Variants in MACF1 observed in about 807,000 individuals in gnomAD.
The protein encoded by MACF1 is microtubule actin crosslinking factor 1.
MACF1 carries 193 observed loss-of-function variants against 854.8 expected under a neutral mutation model. The ratio of observed to expected loss-of-function variants is 0.23; its 90% CI spans 0.20 to 0.25. The LOEUF (loss-of-function observed/expected upper bound fraction) is 0.25. Among genes scored for constraint, MACF1 ranks in the 10% least tolerant of loss-of-function variants. MACF1 has a pLI of 1.00. For missense variants in MACF1, 7,722 were observed against 8,929.1 expected, an observed-to-expected ratio of 0.86 and a Z score of 5.45; for synonymous variants, 3,185 against 3,226.7, an observed-to-expected ratio of 0.99 and a Z score of 0.44.
rs552368455 is a variant in MACF1 at position 39,422,604 on chromosome 1, G to T, written c.15978+69G>T. On this transcript the variant is annotated intron_variant, in intron 59 of 100. Coordinates refer to ENST00000564288, the MANE Select transcript of MACF1 (RefSeq NM_001394062.1). The stretch of plus-strand genomic sequence containing the variant: ...TAGAAAAGAGACATCTGAATCTAAG[G>T]TTTCCCGAAACCTGAATGGAAATAA... The T allele has an allele frequency of 7.1e-6, 11 of 1,548,644 alleles. No individual in the cohort carries two copies. The African/African-American group carries it at 8.3e-5, about 12-fold the overall frequency.
chr1:39,340,738 A>G (rs369397485), intron 39 of MACF1, 21 bp downstream of exon 39: 3 of 1,613,172 alleles, frequency 1.9e-6, no homozygotes, highest in African/African-American at 2.7e-5. Context: ...GCTTTTATTC[A>G]TAAAGGCTCA....
At chr1:39,117,647 C>T (rs900361828) in intron 2 of MACF1, among the ~76,000 whole-genome samples, 6 of 151,998 alleles carry the variant, frequency 3.9e-5, no homozygotes, top group Non-Finnish European at 8.8e-5. Context: ...TGTATACAGA[C>T]TTCCTCTACT....
At chr1:39,211,524 C>T (rs1333009716) in intron 1 of MACF1, among the ~76,000 whole-genome samples, 1 of 152,122 alleles carries the variant, frequency 6.6e-6, no homozygotes, top group Non-Finnish European at 1.5e-5. Context: ...ACGTCGGCCT[C>T]CCAAAGTGCT....
intron 2 of MACF1, among the ~76,000 whole-genome samples, chr1:39,235,022 C>G (rs1644842875): frequency 6.7e-6 from 1 of 150,332 alleles, no homozygotes; most frequent in South Asian, 2.1e-4. Flanking sequence ...ACTTTCCAGA[C>G]TGGGCAGCCA....
At chr1:39,444,600 C>A in intron 79 of MACF1, 62 bp from the exon 80 acceptor site, 1 of 1,440,542 alleles carries the variant, frequency 6.9e-7, no homozygotes, top group Non-Finnish European at 9.5e-7. Flanking sequence ...GCTACAGAAT[C>A]TATATGTAGG....
At position 39,324,691 on chromosome 1, in the gene MACF1, G is replaced by A. The variant is rs1451792445; in HGVS notation, c.4435G>A (p.Ala1479Thr). The part of the protein sequence containing the change: ...LTTKKEQVSE[A>T]IKTSQIFLAK... ...AACAAAGAAAGAACAAGTCTCTGAA[G>A]CTATTAAAACATCACAGATCTTCTT... Residue 1479 changes from alanine (A) to threonine (T), a missense_variant, in exon 35 of 101, where the codon GCT becomes ACT. Ala to Thr is a moderately conservative substitution (Grantham distance 58). Coordinates refer to ENST00000564288, the MANE Select transcript of MACF1 (RefSeq NM_001394062.1). The A allele has an allele frequency of 1.9e-6, 3 of 1,613,734 alleles. No individual in the cohort carries two copies. Among genetic ancestry groups the A allele is most frequent in the South Asian group, 1.1e-5 (1 of 91,046 alleles).
At chr1:39,458,265 T>C (rs1570153834) in intron 89 of MACF1, 105 bp from the exon 90 acceptor site, 3 of 1,125,392 alleles carry the variant, frequency 2.7e-6, no homozygotes, top group African/African-American at 1.6e-5. Flanking sequence ...ACACAGCCTT[T>C]CCTGCCACCA....
Position 39,372,575 on chromosome 1 carries a change from C to A in MACF1, c.13192C>A (p.Pro4398Thr). The A allele has an allele frequency of 6.2e-7, 1 of 1,612,576 alleles. No homozygotes were observed. The highest frequency in any genetic ancestry group is 8.5e-7 in the Non-Finnish European group (1 of 1,178,704). Reference protein sequence around the residue: ...LENLIMEITAPDSQGKTGSIL... With the variant: ...LENLIMEITATDSQGKTGSIL... ...AAATCTCATCATGGAAATCACAGCA[C>A]CTGATTCCCAAGGCAAGACAGGTGA... Residue 4398 changes from proline to threonine, a missense_variant, in exon 52 of 101, where the codon CCT becomes ACT. Physicochemically the swap from Pro to Thr is conservative, Grantham distance 38 (BLOSUM62 -1). Around this residue, in one of 15 missense-constraint regions of MACF1, gnomAD observed 2,807 missense variants for 3,235.8 expected, o/e 0.87. Coordinates refer to ENST00000564288, the MANE Select transcript of MACF1 (RefSeq NM_001394062.1).
chr1:39,209,303 C>T (rs1160539222), intron 1 of MACF1, among the ~76,000 whole-genome samples: 1 of 151,862 alleles, frequency 6.6e-6, no homozygotes, highest in African/African-American at 2.4e-5. Flanking sequence ...GAACCATGCC[C>T]TGTTCATTTG....
chr1:39,177,848 C>A (rs1306230079), intron 2 of MACF1, among the ~76,000 whole-genome samples: 3 of 152,090 alleles, frequency 2.0e-5, no homozygotes, highest in Admixed American at 2.0e-4. Flanking sequence ...TTTTAAGAAT[C>A]ATTTGGGTGA....
chr1:39,458,515 G>A, intron 90 of MACF1, 25 bp downstream of exon 90: 1 of 1,596,926 alleles, frequency 6.3e-7, no homozygotes, highest in Non-Finnish European at 8.5e-7. Flanking sequence ...CCCTGTGTTA[G>A]GATGCTTCAT....
In MACF1 at chr1:39,439,494, T is replaced by C; in HGVS notation, c.18441T>C (p.Ala6147=). The C allele has an allele frequency of 1.2e-6, 2 of 1,613,460 alleles. No individual in the cohort carries two copies. The highest frequency in any genetic ancestry group is 1.7e-6 in the Non-Finnish European group (2 of 1,179,412). The change falls in exon 72 of 101, where the codon GCT becomes GCC. Residue 6147 remains alanine (A), a synonymous_variant. Coordinates refer to ENST00000564288, the MANE Select transcript of MACF1 (RefSeq NM_001394062.1). ...DPSIIKQQVE[A]AETIKEETDG... ...CCATCATCAAACAACAGGTTGAAGC[T>C]GCTGAGGTAAGAAGGAAACAAAACC...
At chr1:39,404,811 T>C (rs191954727) in intron 58 of MACF1, among the ~76,000 whole-genome samples, 14 of 152,314 alleles carry the variant, frequency 9.2e-5, no homozygotes, top group Middle Eastern at 6.8e-3. Flanking sequence ...GAGTCCTGCC[T>C]TCAGCTCTCT....
chr1:39,444,150 A>G (rs1473344257), intron 79 of MACF1, among the ~76,000 whole-genome samples: 1 of 152,116 alleles, frequency 6.6e-6, no homozygotes, highest in East Asian at 1.9e-4. Context: ...CCTGGCTAAC[A>G]TGGTGAAACC....
Position 39,447,821 on chromosome 1 carries a change from T to A in MACF1, c.19891T>A (p.Ser6631Thr). 1 of 1,613,490 alleles carries A rather than the reference T, an allele frequency of 6.2e-7. No homozygotes were observed. Among genetic ancestry groups the A allele is most frequent in the African/African-American group, 1.3e-5 (1 of 74,844 alleles). The change falls in exon 82 of 101, where the codon TCT (serine) becomes ACT (threonine). Residue 6631 changes from serine (S) to threonine (T), a missense_variant. Ser to Thr is a moderately conservative substitution (Grantham distance 58). Around this residue, in one of 15 missense-constraint regions of MACF1, gnomAD observed 729 missense variants for 900.5 expected, o/e 0.81. Coordinates refer to ENST00000564288, the MANE Select transcript of MACF1 (RefSeq NM_001394062.1). The part of the protein sequence containing the change: ...LIKNLLVSVQ[S>T]RWEKVVQRSI... ...CAAGAATTTGTTGGTGAGCGTGCAGTCTCGATGGGAGAAGGTTGTCCAGCG... is the reference window on the plus strand; with the variant it reads ...CAAGAATTTGTTGGTGAGCGTGCAGACTCGATGGGAGAAGGTTGTCCAGCG...
chr1:39,454,400 C>T (rs569321011), intron 88 of MACF1, among the ~76,000 whole-genome samples: 1 of 152,312 alleles, frequency 6.6e-6, no homozygotes, highest in Admixed American at 6.5e-5. Context: ...AACAACTATA[C>T]TAGATTTTCT....
intron 43 of MACF1, 28 bp from the exon 44 acceptor site, chr1:39,352,979 C>G: frequency 6.4e-7 from 1 of 1,562,658 alleles, no homozygotes; most frequent in Non-Finnish European, 8.8e-7. Flanking sequence ...GTAAAGCCTT[C>G]TCACTAGACT....
intron 44 of MACF1, among the ~76,000 whole-genome samples, chr1:39,355,201 C>T (rs1420315545): frequency 6.6e-6 from 1 of 152,146 alleles, no homozygotes; most frequent in Non-Finnish European, 1.5e-5. Context: ...TCCCCCAAAG[C>T]CCTGGTAGTC....
intron 44 of MACF1, among the ~76,000 whole-genome samples, chr1:39,354,738 T>C (rs569932465): frequency 3.3e-5 from 5 of 152,336 alleles, no homozygotes; most frequent in Admixed American, 1.3e-4. Flanking sequence ...TCATTCGATA[T>C]TGTTTTGTTG....
Sources: allele counts gnomAD v4.1 joint callset (sites outside exome capture counted in the v4.1 genomes callset), GRCh38; gene constraint gnomAD v4.1.1; regional missense constraint gnomAD v4.1.1; transcripts MANE v1.5; gene names NCBI Gene and HGNC (gene_info 2026-07-23, HGNC 2026-07-21).